The following MAGT1 variants were observed in gnomAD, a reference collection of about 807,000 sequenced individuals.
The protein encoded by MAGT1 is dolichyl-diphosphooligosaccharide--protein glycosyltransferase subunit MAGT1.
In MAGT1, 4 loss-of-function variants were observed where a neutral mutation model predicts 28.4. The ratio of observed to expected loss-of-function variants is 0.14; its 90% CI spans 0.07 to 0.32. The LOEUF (loss-of-function observed/expected upper bound fraction) is 0.32. Ranked by LOEUF, MAGT1 falls within the 10% of genes least tolerant of loss-of-function variation. The probability of loss-of-function intolerance (pLI) is 1.00; values close to 1 mark genes in which losing one functional copy is unlikely to be tolerated. For synonymous variants in MAGT1, 89 were observed against 89.7 expected (o/e 0.99, Z 0.04); for missense variants, 193 against 264.5 (o/e 0.73, Z 1.88).
At chrX:77,847,609 C>CTTT (rs782595247) in intron 7 of MAGT1, among the ~76,000 whole-genome samples, 2 of 93,096 alleles carry the variant, frequency 2.1e-5, no homozygotes, top group Non-Finnish European at 4.3e-5. Context: ...TCATTTCTTT[C>CTTT]TTTTTTTTTT....
rs1191818767 is a variant in MAGT1 at position 77,829,012 on chromosome X, G to A, written c.*208C>T. 5.2e-6 allele frequency: 2 copies of A among 383,962 alleles called. No homozygotes were observed. The highest frequency in any genetic ancestry group is 2.6e-5 in the African/African-American group (1 of 39,043). The allele number at this position is 383,962 out of a possible 1,213,427, so 31.6% of individuals were successfully genotyped here. On this transcript the variant is annotated 3_prime_UTR_variant, in exon 10 of 10. Coordinates refer to ENST00000618282, the MANE Select transcript of MAGT1 (RefSeq NM_001367916.1). ...TTCACTGGGAAGAGAAGGTTAAGAGGATAATTATTTTCAAATACCTCAGAT... is the reference window on the plus strand; with the variant it reads ...TTCACTGGGAAGAGAAGGTTAAGAGAATAATTATTTTCAAATACCTCAGAT...
At chrX:77,830,539 C>T (rs889991510) in intron 9 of MAGT1, among the ~76,000 whole-genome samples, 20 of 110,333 alleles carry the variant, frequency 1.8e-4, no homozygotes, top group Non-Finnish European at 3.2e-4. Flanking sequence ...CGCTTGAACC[C>T]GGGAGGCAGA....
At chrX:77,847,176 C>G (rs1557215059) in intron 7 of MAGT1, among the ~76,000 whole-genome samples, 1 of 112,459 alleles carries the variant, frequency 8.9e-6, no homozygotes, top group Admixed American at 9.4e-5. Context: ...GCAGTTTGAT[C>G]TCAGACTGCT....
intron 1 of MAGT1, among the ~76,000 whole-genome samples, chrX:77,889,027 G>A (rs1436760569): frequency 9.2e-6 from 1 of 108,378 alleles, no homozygotes; most frequent in East Asian, 2.9e-4. Flanking sequence ...CCAGGCTGGA[G>A]TGCAATGGTA....
intron 7 of MAGT1, among the ~76,000 whole-genome samples, chrX:77,849,895 C>CAAAAAAAAAAAAAAAAAAAAAAAAAAA (rs1247445316): frequency 3.9e-5 from 2 of 50,844 alleles, no homozygotes. Context: ...AACAAAAAAC[C>CAAAAAAAAAAAAAAAAAAAAAAAAAAA]AAAAAAAAAA....
At chrX:77,883,213 G>A (rs1047274701) in intron 1 of MAGT1, among the ~76,000 whole-genome samples, 4 of 104,514 alleles carry the variant, frequency 3.8e-5, no homozygotes, top group African/African-American at 1.0e-4. Context: ...GTAAACATAC[G>A]TGTGCATGTG....
rs1209534309 is a variant in MAGT1, at chrX:77,853,785, A to G, written c.826+116T>C. The G allele has an allele frequency of 2.4e-5, 15 of 613,059 alleles. No homozygotes were observed. The East Asian group carries it at 5.0e-4, about 20-fold the overall frequency. The allele number at this position is 613,059 out of a possible 1,213,427, so 50.5% of individuals were successfully genotyped here. On this transcript the variant is annotated intron_variant, in intron 7 of 9. Transcript: ENST00000618282. ...AGAGGATGATACAGTAATGATTTTC[A>G]AAGGATATTGTGACTTGCATTAAGA...
chrX:77,875,990 T>C (rs782373766), intron 1 of MAGT1, among the ~76,000 whole-genome samples: 46 of 102,146 alleles, frequency 4.5e-4, no homozygotes, highest in African/African-American at 1.5e-3. Flanking sequence ...TCCACCATGC[T>C]CAGCTGATTT....
chrX:77,872,287 C>T (rs1490364925), intron 2 of MAGT1, among the ~76,000 whole-genome samples: 1 of 111,354 alleles, frequency 9.0e-6, no homozygotes, highest in African/African-American at 3.3e-5. Context: ...AGGTGATCCG[C>T]CTGCCTCAGC....
chrX:77,867,953 G>A (rs1471409835), intron 3 of MAGT1, among the ~76,000 whole-genome samples: 1 of 67,095 alleles, frequency 1.5e-5, no homozygotes, highest in African/African-American at 3.5e-5. Context: ...TGGAAGGTAA[G>A]TGGACCAGTT....
chrX:77,884,943 T>C (rs1474636508), intron 1 of MAGT1, among the ~76,000 whole-genome samples: 1 of 107,435 alleles, frequency 9.3e-6, no homozygotes, highest in Non-Finnish European at 1.9e-5. Flanking sequence ...GTGCCTGTAG[T>C]CCCAGCTACT....
intron 9 of MAGT1, among the ~76,000 whole-genome samples, 160 bp downstream of exon 9, chrX:77,830,645 A>T (rs781893400): frequency 6.2e-4 from 68 of 110,203 alleles, no homozygotes; most frequent in African/African-American, 7.2e-4. Flanking sequence ...AATAAATAAT[A>T]AATAAATAGA....
At chrX:77,869,359 A>G (rs1351271258) in intron 3 of MAGT1, among the ~76,000 whole-genome samples, 1 of 111,848 alleles carries the variant, frequency 8.9e-6, no homozygotes, top group Non-Finnish European at 1.9e-5. Flanking sequence ...ATTCATGGCT[A>G]AGACCCCAAA....
chrX:77,847,409 G>A (rs1267942522), intron 7 of MAGT1, among the ~76,000 whole-genome samples: 3 of 111,812 alleles, frequency 2.7e-5, no homozygotes, highest in Non-Finnish European at 3.8e-5. Flanking sequence ...GCCCTGCTTC[G>A]GTTCACGCTC....
At chrX:77,870,171 G>C (rs1321118330) in intron 3 of MAGT1, among the ~76,000 whole-genome samples, 1 of 111,588 alleles carries the variant, frequency 9.0e-6, no homozygotes, top group Non-Finnish European at 1.9e-5. Context: ...ATATCGTTAT[G>C]TTCTCACTTA....
At position 77,826,739 on chromosome X, in the gene MAGT1, T is replaced by C. The variant is rs1236925167; in HGVS notation, c.*2481A>G. On this transcript the variant is annotated 3_prime_UTR_variant, in exon 10 of 10. Transcript: ENST00000618282. The stretch of plus-strand genomic sequence containing the variant: ...TATACAGATTACATGGCAGTAGTAT[T>C]CCCGTGGTCAATCTGTACAAATCAG... 1 of 112,189 alleles carries C rather than the reference T, an allele frequency of 8.9e-6. No individual in the cohort carries two copies. Among genetic ancestry groups the C allele is most frequent in the Non-Finnish European group, 1.9e-5 (1 of 53,260 alleles). 9.2% of individuals were successfully genotyped at this position (112,189 alleles called of 1,213,427 possible).
chrX:77,876,591 A>G (rs2077035654), intron 1 of MAGT1, among the ~76,000 whole-genome samples: 1 of 111,721 alleles, frequency 9.0e-6, no homozygotes, highest in Non-Finnish European at 1.9e-5. Flanking sequence ...GTAGACCCAT[A>G]CAAGTGTAGT....
chrX:77,879,238 G>C (rs2077044356), intron 1 of MAGT1, among the ~76,000 whole-genome samples: 2 of 110,742 alleles, frequency 1.8e-5, no homozygotes, highest in African/African-American at 6.6e-5. Flanking sequence ...TGAATTCTTA[G>C]TAGAGACGGG....
At chrX:77,879,433 A>G (rs1205476851) in intron 1 of MAGT1, among the ~76,000 whole-genome samples, 1 of 112,263 alleles carries the variant, frequency 8.9e-6, no homozygotes, top group African/African-American at 3.2e-5. Flanking sequence ...ATCTCAATGT[A>G]GAGTTAATGC....
Sources: gnomAD v4.1 joint callset for allele counts (sites outside exome capture counted in the v4.1 genomes callset) on GRCh38, gnomAD v4.1.1 for gene constraint, MANE v1.5 for transcripts, NCBI Gene and HGNC (gene_info 2026-07-23, HGNC 2026-07-21) for gene names.